The following GRID2 variants were observed in gnomAD, a reference collection of about 807,000 sequenced individuals.
GRID2 encodes glutamate ionotropic receptor delta type subunit 2.
Under a neutral mutation model 114.8 loss-of-function variants are expected in GRID2, and 33 were observed. The ratio of observed to expected loss-of-function variants is 0.29; its 90% CI spans 0.22 to 0.38. GRID2 has a LOEUF of 0.38. Among genes scored for constraint, GRID2 ranks in the 10% least tolerant of loss-of-function variants. The probability of loss-of-function intolerance (pLI) is 1.00; values close to 1 mark genes in which losing one functional copy is unlikely to be tolerated. For synonymous variants in GRID2, 505 were observed against 449.9 expected (o/e 1.12, Z -1.55); for missense variants, 1,184 against 1,257.7 (o/e 0.94, Z 0.89).
chr4:93,474,087 A>T (rs913545832), intron 11 of GRID2, among the ~76,000 whole-genome samples: 9 of 152,142 alleles, frequency 5.9e-5, no homozygotes, highest in Admixed American at 3.9e-4. Flanking sequence ...AGTAATTAAA[A>T]AAGAAAATAT....
intron 4 of GRID2, among the ~76,000 whole-genome samples, chr4:93,159,770 G>A (rs1467933093): frequency 2.1e-5 from 3 of 140,290 alleles, no homozygotes; most frequent in Non-Finnish European, 4.6e-5. Context: ...CATTTATTTA[G>A]TATTATCAGT....
intron 2 of GRID2, among the ~76,000 whole-genome samples, chr4:92,731,820 G>A (rs1224093608): frequency 6.6e-6 from 1 of 151,872 alleles, no homozygotes; most frequent in Non-Finnish European, 1.5e-5. Flanking sequence ...TTCAGAATGA[G>A]CTTTATAAAG....
intron 1 of GRID2, among the ~76,000 whole-genome samples, chr4:92,578,053 CTTCTTCT>C (rs1560468365): frequency 1.7e-4 from 6 of 35,484 alleles, no homozygotes. Context: ...TCTTCTTCTT[CTTCTTCT>C]TCTTCTTCTT....
chr4:93,396,999 T>C (rs907921580), intron 9 of GRID2, among the ~76,000 whole-genome samples: 5 of 152,168 alleles, frequency 3.3e-5, no homozygotes, highest in Admixed American at 2.6e-4. Context: ...CTAGGTAAAT[T>C]GCAGAATTAG....
At chr4:92,587,518 C>T (rs1015515948) in intron 1 of GRID2, among the ~76,000 whole-genome samples, 6 of 152,056 alleles carry the variant, frequency 3.9e-5, no homozygotes, top group African/African-American at 1.4e-4. Flanking sequence ...ACTGCATGCA[C>T]TCCTGTAGTA....
chr4:92,969,898 G>A (rs1753388021), intron 2 of GRID2, among the ~76,000 whole-genome samples: 1 of 151,844 alleles, frequency 6.6e-6, no homozygotes, highest in African/African-American at 2.4e-5. Context: ...TCTGTCCCAA[G>A]AATGAGTGCT....
intron 14 of GRID2, among the ~76,000 whole-genome samples, chr4:93,694,899 C>T (rs112893944): frequency 1.5e-3 from 212 of 140,084 alleles, no homozygotes; most frequent in Admixed American, 3.8e-3. Flanking sequence ...GTGGCCGGGG[C>T]GGTGGCTCAC....
intron 3 of GRID2, among the ~76,000 whole-genome samples, chr4:93,099,324 T>C (rs1342935327): frequency 1.3e-5 from 2 of 151,654 alleles, no homozygotes; most frequent in Non-Finnish European, 3.0e-5. Context: ...AAAGTTTAGT[T>C]TATATTTATT....
chr4:93,522,610 T>G (rs535286946), intron 13 of GRID2, among the ~76,000 whole-genome samples: 1 of 152,178 alleles, frequency 6.6e-6, no homozygotes, highest in African/African-American at 2.4e-5. Context: ...GAATCTGTGC[T>G]ATATAAAAGG....
chr4:93,068,709 G>A (rs923828364), intron 2 of GRID2, among the ~76,000 whole-genome samples: 15 of 151,532 alleles, frequency 9.9e-5, no homozygotes, highest in Non-Finnish European at 1.9e-4. Context: ...AAAAAATTCA[G>A]TAATCTCGTG....
chr4:93,461,098 T>C (rs1260043758), intron 11 of GRID2, among the ~76,000 whole-genome samples: 2 of 152,206 alleles, frequency 1.3e-5, no homozygotes, highest in Non-Finnish European at 2.9e-5. Context: ...ACAAAAGTTA[T>C]AAATATGTTA....
chr4:92,493,658 G>A (rs1441233189), intron 1 of GRID2, among the ~76,000 whole-genome samples: 1 of 152,102 alleles, frequency 6.6e-6, no homozygotes, highest in East Asian at 1.9e-4. Context: ...TCCTTTATTT[G>A]TCTCTCATTG....
At chr4:93,634,301 A>G (rs1274097553) in intron 14 of GRID2, among the ~76,000 whole-genome samples, 1 of 152,112 alleles carries the variant, frequency 6.6e-6, no homozygotes, top group Non-Finnish European at 1.5e-5. Context: ...TCAGGAAAAC[A>G]TGAGAGATTC....
chr4:92,957,398 T>G (rs6821597), intron 2 of GRID2, among the ~76,000 whole-genome samples: 87,719 of 151,884 alleles, frequency 0.58, 26,745 homozygotes, highest in Middle Eastern at 0.77. Context: ...AGCACTGTTT[T>G]TTGAAAAAAT....
chr4:92,662,633 T>C lies in GRID2; in HGVS notation c.244+72347T>C, dbSNP rs548736747. ...TTTGAAGTGAATTATTGGGATATTA[T>C]TGTGAATCGTTTTTGCTGCAGGCAG... On this transcript the variant is annotated intron_variant, in intron 2 of 15. Transcript: ENST00000282020. Among the ~76,000 whole-genome samples the C allele has an allele frequency of 2.0e-5, 3 of 151,234 alleles. No individual in the cohort carries two copies. The South Asian group carries it at 6.2e-4, about 31-fold the overall frequency.
intron 3 of GRID2, among the ~76,000 whole-genome samples, chr4:93,104,817 A>C (rs1732045390): frequency 6.6e-6 from 1 of 152,176 alleles, no homozygotes; most frequent in Admixed American, 6.5e-5. Context: ...CTTTGGGTAT[A>C]TACCCAGTAA....
intron 1 of GRID2, among the ~76,000 whole-genome samples, chr4:92,368,098 G>A (rs1414166294): frequency 6.6e-6 from 1 of 152,094 alleles, no homozygotes; most frequent in East Asian, 1.9e-4. Context: ...GGGGTCTTGG[G>A]TAACTTTAGG....
exon 2 of GRID2, chr4:93,808,580 A>G (rs1434216563): frequency 2.6e-5 from 4 of 152,228 alleles, no homozygotes; most frequent in African/African-American, 9.6e-5. Context: ...GCCTTCCTGG[A>G]TATCTAGTTT....
At chr4:92,804,120 G>A (rs918700276) in intron 2 of GRID2, among the ~76,000 whole-genome samples, 1 of 151,828 alleles carries the variant, frequency 6.6e-6, no homozygotes, top group African/African-American at 2.4e-5. Context: ...TTCATATAAG[G>A]ACACCAGTAA....
Sources: allele counts gnomAD v4.1 joint callset (sites outside exome capture counted in the v4.1 genomes callset), GRCh38; gene constraint gnomAD v4.1.1; transcripts MANE v1.5; gene names NCBI Gene and HGNC (gene_info 2026-07-23, HGNC 2026-07-21).